AFG2A: variants seen among roughly 807,000 people sequenced by gnomAD.
AFG2A encodes ATPase family gene 2 protein homolog A.
the AFG2A span, among the ~76,000 whole-genome samples, chr4:123,125,820 C>A: frequency 6.6e-6 from 1 of 152,160 alleles, no homozygotes; most frequent in Non-Finnish European, 1.5e-5. Flanking sequence ...AATTTGAAAT[C>A]TCAATTATTT....
At chr4:122,953,836 T>C in the AFG2A span, among the ~76,000 whole-genome samples, 1 of 152,214 alleles carries the variant, frequency 6.6e-6, no homozygotes, top group East Asian at 1.9e-4. Context: ...CCTATGCAGT[T>C]TCTCCATTTC....
chr4:123,238,301 G>A, the AFG2A span, among the ~76,000 whole-genome samples: 1 of 152,228 alleles, frequency 6.6e-6, no homozygotes, highest in African/African-American at 2.4e-5. Context: ...ACGTCCCTGT[G>A]TGACAGCTCT....
At chr4:123,256,045 A>C in the AFG2A span, 1 of 1,614,108 alleles carries the variant, frequency 6.2e-7, no homozygotes, top group Non-Finnish European at 8.5e-7. Context: ...GAATTGATAG[A>C]ATCATCTATG....
chr4:123,263,565 G>C, the AFG2A span, among the ~76,000 whole-genome samples: 6 of 150,318 alleles, frequency 4.0e-5, no homozygotes, highest in Non-Finnish European at 7.4e-5. Flanking sequence ...GACTATTAAA[G>C]ATGTCTTTTG....
chr4:123,113,086 G>A, the AFG2A span, among the ~76,000 whole-genome samples: 1 of 152,008 alleles, frequency 6.6e-6, no homozygotes, highest in African/African-American at 2.4e-5. Context: ...TCTCCAATGT[G>A]TTTGGATTCA....
the AFG2A span, among the ~76,000 whole-genome samples, chr4:123,108,607 A>G: frequency 6.6e-6 from 1 of 152,204 alleles, no homozygotes; most frequent in African/African-American, 2.4e-5. Context: ...GAAAAAGACA[A>G]TGATAAGCCA....
At chr4:123,277,537 C>T in the AFG2A span, among the ~76,000 whole-genome samples, 1 of 152,114 alleles carries the variant, frequency 6.6e-6, no homozygotes, top group Non-Finnish European at 1.5e-5. Flanking sequence ...TGAGAGAGGG[C>T]ATTCTGGTCT....
At chr4:123,031,397 C>T in the AFG2A span, among the ~76,000 whole-genome samples, 1,846 of 152,264 alleles carry the variant, frequency 0.012, 43 homozygotes, top group African/African-American at 0.041. Context: ...AGGCAATTTG[C>T]CCGCCTCACC....
At chr4:123,295,004 A>G in the AFG2A span, among the ~76,000 whole-genome samples, 1 of 152,230 alleles carries the variant, frequency 6.6e-6, no homozygotes, top group Non-Finnish European at 1.5e-5. Flanking sequence ...CACTTCCTCA[A>G]GCCCATGATT....
At chr4:123,042,718 TA>T in the AFG2A span, among the ~76,000 whole-genome samples, 2 of 152,140 alleles carry the variant, frequency 1.3e-5, no homozygotes, top group African/African-American at 2.4e-5. Flanking sequence ...TTATTTTACT[TA>T]AAAAAATACT....
chr4:122,990,757 T>C, the AFG2A span, among the ~76,000 whole-genome samples: 3 of 152,182 alleles, frequency 2.0e-5, no homozygotes, highest in Admixed American at 1.3e-4. Context: ...CCTTATTAAA[T>C]TTTTTATTTT....
the AFG2A span, chr4:123,056,280 A>C: frequency 9.9e-7 from 1 of 1,006,494 alleles, no homozygotes; most frequent in Non-Finnish European, 1.4e-6. Context: ...ATTAATAAGC[A>C]GATTTTGTTT....
At chr4:123,158,649 A>G in the AFG2A span, among the ~76,000 whole-genome samples, 9,952 of 152,168 alleles carry the variant, frequency 0.065, 580 homozygotes, top group African/African-American at 0.15. Context: ...CATACTTATT[A>G]TTGCATCTAG....
the AFG2A span, among the ~76,000 whole-genome samples, chr4:123,036,745 A>G: frequency 6.6e-6 from 1 of 152,086 alleles, no homozygotes; most frequent in Non-Finnish European, 1.5e-5. Context: ...AGAATGAATG[A>G]ATTTGGGGAA....
chr4:123,268,833 A>G, the AFG2A span, among the ~76,000 whole-genome samples: 1 of 152,244 alleles, frequency 6.6e-6, no homozygotes, highest in Non-Finnish European at 1.5e-5. Context: ...ACATGAGAAT[A>G]GTGAAGAGAA....
chr4:122,979,236 C>G, the AFG2A span: 1 of 1,614,072 alleles, frequency 6.2e-7, no homozygotes, highest in Non-Finnish European at 8.5e-7. Context: ...TTATAGGTCT[C>G]TGTGCCTTGC....
chr4:123,232,957 A>G, the AFG2A span, among the ~76,000 whole-genome samples: 2 of 152,082 alleles, frequency 1.3e-5, no homozygotes, highest in East Asian at 1.9e-4. Context: ...TCCTTGTTAC[A>G]ACAACAACAA....
At chr4:122,945,382 G>C in the AFG2A span, among the ~76,000 whole-genome samples, 3 of 152,078 alleles carry the variant, frequency 2.0e-5, no homozygotes, top group African/African-American at 7.2e-5. Flanking sequence ...CTGCCGCCTT[G>C]CAGTTTGATC....
At chr4:123,053,483 G>T in the AFG2A span, among the ~76,000 whole-genome samples, 1 of 152,250 alleles carries the variant, frequency 6.6e-6, no homozygotes, top group East Asian at 1.9e-4. Flanking sequence ...GGGATCTGCT[G>T]TGTGAAGGAG....
Sources: gnomAD v4.1 joint callset for allele counts (sites outside exome capture counted in the v4.1 genomes callset) on GRCh38, gnomAD v4.1.1 for gene constraint, MANE v1.5 for transcripts, NCBI Gene and HGNC (gene_info 2026-07-23, HGNC 2026-07-21) for gene names.